The following ANKRD34C variants were observed in gnomAD, a reference collection of about 807,000 sequenced individuals.
ANKRD34C encodes the protein ankyrin repeat domain 34C.
For missense variants in ANKRD34C, 563 were observed against 653.0 expected, an observed-to-expected ratio of 0.86 and a Z score of 1.50; for synonymous variants, 260 against 253.6, an observed-to-expected ratio of 1.03 and a Z score of -0.24.
At chr15:79,285,892 G>C (rs971780887) in intron 1 of ANKRD34C, among the ~76,000 whole-genome samples, 1 of 152,184 alleles carries the variant, frequency 6.6e-6, no homozygotes, top group Non-Finnish European at 1.5e-5. Flanking sequence ...GATTCAGAGA[G>C]AGAAAAGTTT....
At position 79,296,289 on chromosome 15, in the gene ANKRD34C, A is replaced by C. The variant is rs1382077669; in HGVS notation, c.*1397A>C. 13 of 167,022 alleles carry C rather than the reference A, an allele frequency of 7.8e-5. No individual in the cohort carries two copies. The South Asian group carries it at 2.5e-3, about 32-fold the overall frequency. The allele number at this position is 167,022 out of a possible 1,614,324, so 10.3% of individuals were successfully genotyped here. ...TTAGTCTCTGTTCCCTCATCTGTAA[A>C]ATAGGATTAGTAGTGCTGCACCTTA... is the stretch of plus-strand genomic sequence containing the variant. On this transcript the variant is annotated 3_prime_UTR_variant, in exon 2 of 2. Coordinates refer to ENST00000421388, the MANE Select transcript of ANKRD34C (RefSeq NM_001146341.2).
chr15:79,285,101 G>A (rs897736373), intron 1 of ANKRD34C, among the ~76,000 whole-genome samples: 4 of 152,278 alleles, frequency 2.6e-5, no homozygotes, highest in Middle Eastern at 3.4e-3. Flanking sequence ...GCACGTATTC[G>A]AAGTAGTCGA....
chr15:79,291,601 C>CACACACACACAGAG (rs1429207880), intron 1 of ANKRD34C, among the ~76,000 whole-genome samples: 113 of 84,000 alleles, frequency 1.3e-3, no homozygotes, highest in Non-Finnish European at 2.4e-3. Flanking sequence ...CACACACACA[C>CACACACACACAGAG]AGAGAGAGAG....
chr15:79,286,224 G>A, intron 1 of ANKRD34C, among the ~76,000 whole-genome samples: 1 of 150,252 alleles, frequency 6.7e-6, no homozygotes, highest in Non-Finnish European at 1.5e-5. Context: ...GATGGTGGGG[G>A]TGGAGTGGGG....
At chr15:79,293,167 G>C in intron 1 of ANKRD34C, 74 bp from the exon 2 acceptor site, 1 of 1,146,714 alleles carries the variant, frequency 8.7e-7, no homozygotes, top group Non-Finnish European at 1.2e-6. Context: ...ACTGTACCCA[G>C]ACCCCGTAAT....
intron 1 of ANKRD34C, among the ~76,000 whole-genome samples, chr15:79,288,504 G>C (rs1311707911): frequency 1.3e-5 from 2 of 152,162 alleles, no homozygotes; most frequent in Non-Finnish European, 2.9e-5. Flanking sequence ...CATACTTCTT[G>C]GTTGAGTAAC....
intron 1 of ANKRD34C, among the ~76,000 whole-genome samples, chr15:79,289,241 C>A (rs1479299087): frequency 6.6e-6 from 1 of 152,170 alleles, no homozygotes; most frequent in Non-Finnish European, 1.5e-5. Flanking sequence ...TGTCCTCAGA[C>A]AAAACTGTTG....
chr15:79,290,895 C>T (rs545961464), intron 1 of ANKRD34C, among the ~76,000 whole-genome samples: 44 of 152,326 alleles, frequency 2.9e-4, no homozygotes, highest in African/African-American at 5.1e-4. Flanking sequence ...TTCCTGTCTG[C>T]ACGCCTCTTG....
At chr15:79,283,509 T>C (rs989331625) in intron 1 of ANKRD34C, 1 of 152,286 alleles carries the variant, frequency 6.6e-6, no homozygotes, top group African/African-American at 2.4e-5. Flanking sequence ...TTGCAGGGAC[T>C]GAAGGGGAAG....
intron 1 of ANKRD34C, among the ~76,000 whole-genome samples, chr15:79,290,137 G>C (rs574799834): frequency 1.3e-5 from 2 of 149,634 alleles, no homozygotes; most frequent in African/African-American, 2.5e-5. Flanking sequence ...TGATCCACCT[G>C]CCTCAGCCTC....
In ANKRD34C at chr15:79,294,395, T is replaced by C. The variant is rs199526749; in HGVS notation, c.1111T>C (p.Ser371Pro). ...ACCCTCTGCTCTCAAAGAGCCTGCA[T>C]CCCTCAAATGGCTGGAAAATGACCT... is the stretch of plus-strand genomic sequence containing the variant. ...SGPSALKEPASLKWLENDLYD... is the reference protein window; with the variant it reads ...SGPSALKEPAPLKWLENDLYD... The change falls in exon 2 of 2, where the codon TCC (serine) becomes CCC (proline). Residue 371 changes from serine (S) to proline (P), a missense_variant. Coordinates refer to ENST00000421388, the MANE Select transcript of ANKRD34C (RefSeq NM_001146341.2). 5.4e-4 allele frequency: 841 copies of C among 1,551,570 alleles called. 2 individuals are homozygous for C. Among genetic ancestry groups the C allele is most frequent in the Admixed American group, 6.5e-4 (33 of 50,968 alleles).
rs1185507650 is a variant in ANKRD34C, at chr15:79,297,971, G to GT, written c.*3079_*3080insT. The stretch of plus-strand genomic sequence containing the variant: ...TGGTTTAATTTCTAGACTTTCCAAA[G>GT]CTTTTTTTTTTCTTTTTAAAAAGCC... On this transcript the variant is annotated 3_prime_UTR_variant, in exon 2 of 2. Coordinates refer to ENST00000421388, the MANE Select transcript of ANKRD34C (RefSeq NM_001146341.2). 1 of 164,280 alleles carries GT rather than the reference G, an allele frequency of 6.1e-6. No homozygotes were observed. Among genetic ancestry groups the GT allele is most frequent in the African/African-American group, 2.4e-5 (1 of 41,204 alleles). The allele number at this position is 164,280 out of a possible 1,614,324, so 10.2% of individuals were successfully genotyped here. A position where few individuals can be genotyped will look rare whatever the true frequency, so the allele number is the denominator to read the frequency against.
intron 1 of ANKRD34C, among the ~76,000 whole-genome samples, chr15:79,286,013 C>G (rs2058643582): frequency 6.6e-6 from 1 of 152,042 alleles, no homozygotes; most frequent in Non-Finnish European, 1.5e-5. Flanking sequence ...ATAAAATAAT[C>G]AAAGGACATC....
chr15:79,291,989 G>GAT (rs953077015), intron 1 of ANKRD34C, among the ~76,000 whole-genome samples: 5 of 152,206 alleles, frequency 3.3e-5, no homozygotes, highest in African/African-American at 1.2e-4. Context: ...TTTTCAAAGG[G>GAT]ATATATATAG....
chr15:79,289,040 G>A (rs1416654851), intron 1 of ANKRD34C, among the ~76,000 whole-genome samples: 3 of 151,962 alleles, frequency 2.0e-5, no homozygotes, highest in Non-Finnish European at 4.4e-5. Flanking sequence ...AGCTGGTCTC[G>A]AACTCCTGAC....
chr15:79,287,433 A>T (rs2058648323), intron 1 of ANKRD34C, among the ~76,000 whole-genome samples: 1 of 152,246 alleles, frequency 6.6e-6, no homozygotes, highest in African/African-American at 2.4e-5. Flanking sequence ...TAAAATATAC[A>T]TCCACCTTCT....
chr15:79,294,805 A>C lies in ANKRD34C; in HGVS notation c.1521A>C (p.Leu507Phe), dbSNP rs1025071533. ...CAAGTTCACCAAAGAGAGTTGACTTAAGAAGTAAAAAGAAGCTCCTCAGAA... is the reference window on the plus strand; with the variant it reads ...CAAGTTCACCAAAGAGAGTTGACTTCAGAAGTAAAAAGAAGCTCCTCAGAA... ...VAPSSPKRVD[L>F]RSKKKLLRRH... is the part of the protein sequence containing the mutation. Residue 507 changes from leucine (L) to phenylalanine (F), a missense_variant, in exon 2 of 2, where the codon TTA becomes TTC. Coordinates refer to ENST00000421388, the MANE Select transcript of ANKRD34C (RefSeq NM_001146341.2). 9 of 1,551,478 alleles carry C rather than the reference A, an allele frequency of 5.8e-6. No homozygotes were observed. The African/African-American group carries it at 1.1e-4, about 19-fold the overall frequency.
In ANKRD34C at chr15:79,294,818, A is replaced by C; in HGVS notation, c.1534A>C (p.Lys512Gln). ...GAGAGTTGACTTAAGAAGTAAAAAG[A>C]AGCTCCTCAGAAGGCATTCTATGCA... The part of the protein sequence containing the change: ...PKRVDLRSKK[K>Q]LLRRHSMQIE... Residue 512 changes from lysine to glutamine, a missense_variant, in exon 2 of 2, where the codon AAG becomes CAG. Coordinates refer to ENST00000421388, the MANE Select transcript of ANKRD34C (RefSeq NM_001146341.2). The C allele has an allele frequency of 6.4e-7, 1 of 1,551,556 alleles. No homozygotes were observed. The highest frequency in any genetic ancestry group is 8.7e-7 in the Non-Finnish European group (1 of 1,146,964).
chr15:79,289,194 T>G (rs1567015519), intron 1 of ANKRD34C, among the ~76,000 whole-genome samples: 1 of 152,210 alleles, frequency 6.6e-6, no homozygotes, highest in Non-Finnish European at 1.5e-5. Context: ...CTGGCACATT[T>G]TATCTGGGCT....
Sources: allele counts gnomAD v4.1 joint callset (sites outside exome capture counted in the v4.1 genomes callset), GRCh38; gene constraint gnomAD v4.1.1; transcripts MANE v1.5; gene names NCBI Gene and HGNC (gene_info 2026-07-23, HGNC 2026-07-21).